The following BUB1 variants were observed in gnomAD, a reference collection of about 807,000 sequenced individuals.
BUB1 encodes the protein mitotic checkpoint serine/threonine-protein kinase BUB1.
Under a neutral mutation model 135.2 loss-of-function variants are expected in BUB1, and 84 were observed. The ratio of observed to expected loss-of-function variants is 0.62; its 90% CI spans 0.52 to 0.74. The LOEUF is 0.74. Ranked by LOEUF, BUB1 falls within the 30% of genes least tolerant of loss-of-function variation. The pLI, the probability that BUB1 is intolerant of heterozygous loss-of-function variation, is 0.00. For missense variants in BUB1, 1,162 were observed against 1,288.3 expected (o/e 0.90, Z 1.50); for synonymous variants, 403 against 434.4 (o/e 0.93, Z 0.90).
At chr2:110,638,301 G>A in intron 24 of BUB1, 142 bp from the exon 25 acceptor site, 1 of 527,230 alleles carries the variant, frequency 1.9e-6, no homozygotes. Flanking sequence ...CAGCAAGTAT[G>A]GAAACACTAT....
In BUB1 at chr2:110,655,795, G is replaced by T; in HGVS notation, c.1820C>A (p.Ala607Glu). The change falls in exon 16 of 25, where the codon GCG becomes GAG. Residue 607 changes from alanine (A) to glutamate (E), a missense_variant. By Grantham distance (107) the Ala-to-Glu change is moderately radical. Coordinates refer to ENST00000302759, the MANE Select transcript of BUB1 (RefSeq NM_004336.5). ...PGDFTSAAQL[A>E]STPFHKLPVE... ...TGGAAGCTTGTGGAATGGTGTAGAC[G>T]CAAGTTGTGCAGCAGATGTGAAGTC... 6.2e-7 allele frequency: 1 copy of T among 1,613,862 alleles called. No individual in the cohort carries two copies. The highest frequency in any genetic ancestry group is 8.5e-7 in the Non-Finnish European group (1 of 1,179,864).
At chr2:110,659,400 AT>A (rs750377123) in intron 11 of BUB1, among the ~76,000 whole-genome samples, 20 of 151,952 alleles carry the variant, frequency 1.3e-4, no homozygotes, top group Non-Finnish European at 2.6e-4. Flanking sequence ...GTGGGTGGAG[AT>A]TTTTTGTTCA....
intron 10 of BUB1, 33 bp downstream of exon 10, chr2:110,661,549 T>G: frequency 6.2e-7 from 1 of 1,604,800 alleles, no homozygotes; most frequent in Non-Finnish European, 8.5e-7. Flanking sequence ...GCCACTCACA[T>G]CACTGTGATC....
At chr2:110,659,405 T>C (rs563570515) in intron 11 of BUB1, among the ~76,000 whole-genome samples, 1 of 152,310 alleles carries the variant, frequency 6.6e-6, no homozygotes, top group Admixed American at 6.5e-5. Context: ...TGGAGATTTT[T>C]TGTTCATGAC....
chr2:110,678,063 T>A lies in BUB1; in HGVS notation c.-68A>T. On this transcript the variant is annotated 5_prime_UTR_variant, in exon 1 of 25. Transcript: ENST00000302759. Reference sequence around the variant, plus strand: ...AACTAGAAGCCGCCGCCGATTCGAATACCCCGCGCAGCCGCAGTCGGCTCG... The same window carrying A: ...AACTAGAAGCCGCCGCCGATTCGAAAACCCCGCGCAGCCGCAGTCGGCTCG... 1 of 1,538,846 alleles carries A rather than the reference T, an allele frequency of 6.5e-7. No homozygotes were observed. Among genetic ancestry groups the A allele is most frequent in the Non-Finnish European group, 8.8e-7 (1 of 1,142,200 alleles).
intron 5 of BUB1, among the ~76,000 whole-genome samples, 197 bp from the exon 6 acceptor site, chr2:110,669,750 A>T (rs1690366699): frequency 6.6e-6 from 1 of 152,210 alleles, no homozygotes; most frequent in Non-Finnish European, 1.5e-5. Context: ...TCAACATGCC[A>T]GGAAGTACCC....
chr2:110,677,856 A>G, intron 1 of BUB1, 114 bp downstream of exon 1: 1 of 1,317,164 alleles, frequency 7.6e-7, no homozygotes, highest in African/African-American at 1.5e-5. Flanking sequence ...GACACATTCC[A>G]AACCCAGGAA....
At chr2:110,657,931 G>A (rs1689976337) in intron 13 of BUB1, among the ~76,000 whole-genome samples, 2 of 152,092 alleles carry the variant, frequency 1.3e-5, no homozygotes, top group Admixed American at 1.3e-4. Flanking sequence ...CTCAATAAAC[G>A]CTCTCAGGGT....
intron 3 of BUB1, among the ~76,000 whole-genome samples, chr2:110,673,586 T>C (rs1690484363): frequency 6.6e-6 from 1 of 151,996 alleles, no homozygotes; most frequent in Non-Finnish European, 1.5e-5. Context: ...GCACATACTT[T>C]TTTTTTGGTG....
intron 9 of BUB1, among the ~76,000 whole-genome samples, chr2:110,662,672 T>C (rs1050659695): frequency 3.9e-5 from 6 of 152,104 alleles, no homozygotes; most frequent in East Asian, 1.9e-4. Context: ...CATGGAAGCA[T>C]GTGTCTGTAG....
At chr2:110,667,407 G>A in intron 8 of BUB1, 114 bp downstream of exon 8, 1 of 1,132,152 alleles carries the variant, frequency 8.8e-7, no homozygotes, top group Non-Finnish European at 1.2e-6. Context: ...ATGAGATGAA[G>A]ACTTTCTTGC....
intron 14 of BUB1, 80 bp downstream of exon 14, chr2:110,657,466 A>G: frequency 1.9e-6 from 2 of 1,051,952 alleles, no homozygotes; most frequent in Non-Finnish European, 2.7e-6. Context: ...GGCAGTTCAC[A>G]TTCTCTCCTC....
In BUB1 at chr2:110,653,423, A is replaced by G; in HGVS notation, c.1964+13T>C. The stretch of plus-strand genomic sequence containing the variant: ...TGAAGAGAATGGCAGAACCAAATAA[A>G]CCCTCACAATACCTGAATTTTCCAT... On this transcript the variant is annotated intron_variant, in intron 17 of 24. Coordinates refer to ENST00000302759, the MANE Select transcript of BUB1 (RefSeq NM_004336.5). The G allele has an allele frequency of 6.2e-6, 10 of 1,609,074 alleles. No homozygotes were observed. The highest frequency in any genetic ancestry group is 8.5e-6 in the Non-Finnish European group (10 of 1,175,700).
intron 1 of BUB1, among the ~76,000 whole-genome samples, chr2:110,677,459 T>A (rs1690621547): frequency 6.6e-6 from 1 of 152,192 alleles, no homozygotes. Context: ...TTGGCACACA[T>A]CACTCAATAA....
chr2:110,664,767 G>GA (rs916245126), intron 9 of BUB1, among the ~76,000 whole-genome samples: 4 of 149,922 alleles, frequency 2.7e-5, no homozygotes, highest in East Asian at 1.9e-4. Flanking sequence ...AAACAAATCA[G>GA]AAAAAAAATG....
chr2:110,664,026 C>CACA (rs1690175745), intron 9 of BUB1, among the ~76,000 whole-genome samples: 2 of 42,818 alleles, frequency 4.7e-5, no homozygotes. Flanking sequence ...GACTCCATCT[C>CACA]AAAAAAAAAA....
chr2:110,666,664 T>TA (rs1240188855), intron 8 of BUB1, among the ~76,000 whole-genome samples: 1 of 151,356 alleles, frequency 6.6e-6, no homozygotes, highest in African/African-American at 2.4e-5. Flanking sequence ...AAAATAATAA[T>TA]AATAGCACAG....
chr2:110,654,953 T>G (rs1290862133), intron 16 of BUB1, among the ~76,000 whole-genome samples: 1 of 152,180 alleles, frequency 6.6e-6, no homozygotes, highest in Non-Finnish European at 1.5e-5. Flanking sequence ...ATCCACAAGT[T>G]CTGCAGGGTC....
At chr2:110,676,235 A>G (rs1372645350) in intron 1 of BUB1, among the ~76,000 whole-genome samples, 1 of 152,206 alleles carries the variant, frequency 6.6e-6, no homozygotes, top group Non-Finnish European at 1.5e-5. Flanking sequence ...TTCACAGAAA[A>G]AGATACATGG....
Sources: gnomAD v4.1 joint callset for allele counts (sites outside exome capture counted in the v4.1 genomes callset) on GRCh38, gnomAD v4.1.1 for gene constraint, MANE v1.5 for transcripts, NCBI Gene and HGNC (gene_info 2026-07-23, HGNC 2026-07-21) for gene names.